REEP3: variants seen among roughly 807,000 people sequenced by gnomAD.
REEP3 encodes the protein receptor accessory protein 3, also known as receptor expression-enhancing protein 3.
REEP3 carries 20 observed loss-of-function variants against 41.3 expected under a neutral mutation model. The observed-to-expected ratio is 0.48, with a 90% CI of 0.34 to 0.70. The LOEUF (loss-of-function observed/expected upper bound fraction) is 0.70, where lower values mean the gene tolerates loss of function less well. Among genes scored for constraint, REEP3 ranks in the 30% least tolerant of loss-of-function variants. REEP3 has a pLI of 0.01. For synonymous variants in REEP3, 104 were observed against 101.8 expected, an observed-to-expected ratio of 1.02 and a Z score of -0.13; for missense variants, 271 against 308.8, an observed-to-expected ratio of 0.88 and a Z score of 0.92.
intron 1 of REEP3, among the ~76,000 whole-genome samples, chr10:63,565,841 A>G (rs1378349728): frequency 2.0e-5 from 3 of 152,150 alleles, no homozygotes; most frequent in African/African-American, 7.2e-5. Context: ...TTCAAAAAAT[A>G]AAGTTTTTAT....
intron 5 of REEP3, among the ~76,000 whole-genome samples, chr10:63,608,336 T>C (rs1956247237): frequency 1.3e-5 from 2 of 152,214 alleles, no homozygotes; most frequent in South Asian, 2.1e-4. Context: ...TTCAAAAATA[T>C]GGTAGAAATA....
At chr10:63,617,780 T>C (rs1413722210) in intron 6 of REEP3, among the ~76,000 whole-genome samples, 1 of 146,256 alleles carries the variant, frequency 6.8e-6, no homozygotes, top group Non-Finnish European at 1.5e-5. Context: ...ATCTATCCCG[T>C]GCCTTCTCCT....
At chr10:63,547,919 AG>A (rs1263784060) in intron 1 of REEP3, among the ~76,000 whole-genome samples, 1 of 152,222 alleles carries the variant, frequency 6.6e-6, no homozygotes, top group African/African-American at 2.4e-5. Context: ...AAATATCACC[AG>A]GGAAGGAGAA....
At chr10:63,574,600 C>T (rs1362459910) in intron 2 of REEP3, among the ~76,000 whole-genome samples, 24 of 152,062 alleles carry the variant, frequency 1.6e-4, no homozygotes, top group Admixed American at 1.6e-3. Context: ...ACACTATTCA[C>T]AGCTGATCTC....
At chr10:63,591,199 G>T (rs1255055611) in intron 2 of REEP3, among the ~76,000 whole-genome samples, 8 of 149,992 alleles carry the variant, frequency 5.3e-5, no homozygotes, top group Non-Finnish European at 1.2e-4. Flanking sequence ...CAGGCTGAAT[G>T]GCCTTGAGGT....
At chr10:63,528,902 T>C (rs931907534) in intron 1 of REEP3, among the ~76,000 whole-genome samples, 11 of 152,228 alleles carry the variant, frequency 7.2e-5, no homozygotes, top group African/African-American at 2.4e-4. Context: ...CCCGCTCCGT[T>C]GTCTGTAGTA....
intron 2 of REEP3, among the ~76,000 whole-genome samples, chr10:63,583,672 C>A (rs1488699578): frequency 6.6e-6 from 1 of 152,116 alleles, no homozygotes; most frequent in Non-Finnish European, 1.5e-5. Context: ...ACTAAGATAA[C>A]CAGTAGGATG....
intron 1 of REEP3, among the ~76,000 whole-genome samples, chr10:63,523,851 C>T (rs976613423): frequency 6.6e-6 from 1 of 152,158 alleles, no homozygotes; most frequent in East Asian, 1.9e-4. Context: ...TATAAGGCAG[C>T]AACAGCTTTG....
intron 1 of REEP3, among the ~76,000 whole-genome samples, chr10:63,527,673 C>T (rs894116321): frequency 2.6e-5 from 4 of 151,504 alleles, no homozygotes; most frequent in Admixed American, 1.3e-4. Context: ...AGAGTGAGAC[C>T]TTGTCTCAAA....
At chr10:63,613,318 A>G (rs1395435797) in intron 6 of REEP3, among the ~76,000 whole-genome samples, 1 of 152,088 alleles carries the variant, frequency 6.6e-6, no homozygotes, top group Non-Finnish European at 1.5e-5. Flanking sequence ...CCACCTACCA[A>G]ATTTTATATC....
intron 3 of REEP3, among the ~76,000 whole-genome samples, 159 bp downstream of exon 3, chr10:63,595,013 C>T (rs558814691): frequency 4.8e-4 from 73 of 152,288 alleles, no homozygotes; most frequent in Middle Eastern, 6.8e-3. Context: ...ACACTACTTT[C>T]CTTTTAGTCC....
intron 1 of REEP3, among the ~76,000 whole-genome samples, chr10:63,547,209 C>G (rs899902728): frequency 2.0e-5 from 3 of 152,152 alleles, no homozygotes; most frequent in Non-Finnish European, 4.4e-5. Flanking sequence ...CGTGAGCCAC[C>G]ATGCCTGGCC....
chr10:63,593,635 C>T (rs1158587509), intron 2 of REEP3, among the ~76,000 whole-genome samples: 5 of 152,166 alleles, frequency 3.3e-5, no homozygotes, highest in Non-Finnish European at 5.9e-5. Context: ...GTACGTGAAA[C>T]TCCAGTGCAC....
intron 5 of REEP3, among the ~76,000 whole-genome samples, chr10:63,608,963 A>C (rs984386313): frequency 6.6e-6 from 1 of 152,214 alleles, no homozygotes; most frequent in Non-Finnish European, 1.5e-5. Flanking sequence ...TGTCTGCCAT[A>C]TTGTTAAGGG....
chr10:63,577,442 T>C (rs1371725704), intron 2 of REEP3, among the ~76,000 whole-genome samples: 1 of 152,084 alleles, frequency 6.6e-6, no homozygotes, highest in Non-Finnish European at 1.5e-5. Context: ...TTTGTTTTGT[T>C]AGACAGGGTC....
At chr10:63,614,514 C>T (rs192780913) in intron 6 of REEP3, among the ~76,000 whole-genome samples, 107 of 152,288 alleles carry the variant, frequency 7.0e-4, no homozygotes, top group African/African-American at 2.5e-3. Flanking sequence ...ATGGTTGGAG[C>T]CTCTCAGCCA....
chr10:63,525,796 C>CT (rs1273301269), intron 1 of REEP3, among the ~76,000 whole-genome samples: 8 of 152,178 alleles, frequency 5.3e-5, no homozygotes, highest in African/African-American at 1.9e-4. Flanking sequence ...AAACATGACT[C>CT]TCATAAGTTG....
At chr10:63,528,566 G>A (rs1275429581) in intron 1 of REEP3, among the ~76,000 whole-genome samples, 1 of 152,176 alleles carries the variant, frequency 6.6e-6, no homozygotes, top group Non-Finnish European at 1.5e-5. Flanking sequence ...CCCAAGTCAA[G>A]TCATGTGACT....
At chr10:63,578,341 G>A (rs1007024765) in intron 2 of REEP3, among the ~76,000 whole-genome samples, 9 of 151,412 alleles carry the variant, frequency 5.9e-5, no homozygotes, top group Admixed American at 5.9e-4. Context: ...CTCGTGATCC[G>A]CCTGCCTCAG....
Sources: gnomAD v4.1 joint callset for allele counts (sites outside exome capture counted in the v4.1 genomes callset) on GRCh38, gnomAD v4.1.1 for gene constraint, MANE v1.5 for transcripts, NCBI Gene and HGNC (gene_info 2026-07-23, HGNC 2026-07-21) for gene names.